TMEM135: variants seen among roughly 807,000 people sequenced by gnomAD.
The protein encoded by TMEM135 is transmembrane protein 135, also known as peroxisomal membrane protein 52.
In TMEM135, 30 loss-of-function variants were observed where a neutral mutation model predicts 60.3. The ratio of observed to expected loss-of-function variants is 0.50; its 90% CI spans 0.37 to 0.68. The LOEUF (loss-of-function observed/expected upper bound fraction) is 0.68. Ranked by LOEUF, TMEM135 falls within the 30% of genes least tolerant of loss-of-function variation. The pLI, the probability that TMEM135 is intolerant of heterozygous loss-of-function variation, is 0.00. For synonymous variants in TMEM135, 190 were observed against 186.7 expected (o/e 1.02, Z -0.14); for missense variants, 468 against 548.8 (o/e 0.85, Z 1.47).
At chr11:87,107,204 T>G (rs538594058) in intron 4 of TMEM135, among the ~76,000 whole-genome samples, 19 of 152,322 alleles carry the variant, frequency 1.2e-4, no homozygotes, top group African/African-American at 4.1e-4. Flanking sequence ...TGGTAGGTTG[T>G]ATGTGTCTAA....
At chr11:87,214,816 A>G (rs920565628) in intron 5 of TMEM135, among the ~76,000 whole-genome samples, 7 of 152,302 alleles carry the variant, frequency 4.6e-5, no homozygotes, top group East Asian at 1.9e-4. Flanking sequence ...TTAATAAAGT[A>G]TAGAGTTAAG....
intron 5 of TMEM135, among the ~76,000 whole-genome samples, chr11:87,183,661 G>A (rs1939578217): frequency 6.6e-6 from 1 of 151,728 alleles, no homozygotes; most frequent in Non-Finnish European, 1.5e-5. Flanking sequence ...TATGCTATGT[G>A]TTTAAAAATT....
intron 5 of TMEM135, among the ~76,000 whole-genome samples, chr11:87,179,146 T>A (rs1267098649): frequency 6.6e-6 from 1 of 152,054 alleles, no homozygotes; most frequent in East Asian, 1.9e-4. Context: ...CTTTTCATAG[T>A]GCTTATTGGG....
In TMEM135 at chr11:87,223,663, G is replaced by GCACACACA. The variant is rs1320732136; in HGVS notation, c.463-12972_463-12971insACACACAC. Among the ~76,000 whole-genome samples the GCACACACA allele has an allele frequency of 9.0e-4, 118 of 130,956 alleles. 4 individuals carry two copies. The highest frequency in any genetic ancestry group is 3.2e-3 in the African/African-American group (106 of 33,544). 85.9% of individuals were successfully genotyped at this position (130,956 alleles called of 152,430 possible). Reference sequence around the variant, plus strand: ...CTGTCTCTACTAAAAATACGCACATGCACGCACACACACACACACACACAC... The same window carrying GCACACACA: ...CTGTCTCTACTAAAAATACGCACATGCACACACACACGCACACACACACACACACACAC... On this transcript the variant is annotated intron_variant, in intron 5 of 14. Coordinates refer to ENST00000305494, the MANE Select transcript of TMEM135 (RefSeq NM_022918.4).
intron 5 of TMEM135, among the ~76,000 whole-genome samples, chr11:87,216,481 G>A (rs1405190379): frequency 6.6e-6 from 1 of 152,100 alleles, no homozygotes; most frequent in African/African-American, 2.4e-5. Context: ...GAGTTTTGCA[G>A]AGCCTACCAG....
In TMEM135 at chr11:87,328,171, A is replaced by G. The variant is rs190647545; in HGVS notation, c.*6838A>G. On this transcript the variant is annotated 3_prime_UTR_variant, in exon 15 of 15. Coordinates refer to ENST00000305494, the MANE Select transcript of TMEM135 (RefSeq NM_022918.4). Reference sequence around the variant, plus strand: ...AAACATTTCTAATGGACATATTCCAATTCTGTATAGATCAGATCTCAGTTT... The same window carrying G: ...AAACATTTCTAATGGACATATTCCAGTTCTGTATAGATCAGATCTCAGTTT... 5.7e-5 allele frequency: 26 copies of G among 454,106 alleles called. 1 individual carries two copies. Among genetic ancestry groups the G allele is most frequent in the Admixed American group, 5.4e-4 (23 of 42,580 alleles). The allele number at this position is 454,106 out of a possible 1,614,324, so 28.1% of individuals were successfully genotyped here.
chr11:87,276,380 G>C (rs1418030261), intron 6 of TMEM135, among the ~76,000 whole-genome samples: 1 of 152,008 alleles, frequency 6.6e-6, no homozygotes, highest in African/African-American at 2.4e-5. Flanking sequence ...CCAATTTTTA[G>C]AACTTGAGTT....
At chr11:87,069,105 T>A (rs1856724017) in intron 2 of TMEM135, among the ~76,000 whole-genome samples, 1 of 150,058 alleles carries the variant, frequency 6.7e-6, no homozygotes, top group Non-Finnish European at 1.5e-5. Flanking sequence ...GCTAACACAG[T>A]GAAACCCCGT....
At chr11:87,109,309 C>A (rs564729936) in intron 4 of TMEM135, among the ~76,000 whole-genome samples, 1 of 152,232 alleles carries the variant, frequency 6.6e-6, no homozygotes, top group Admixed American at 6.5e-5. Context: ...TGATATTTTT[C>A]CTATATATGC....
At chr11:87,148,972 A>G (rs1336826119) in intron 4 of TMEM135, among the ~76,000 whole-genome samples, 1 of 152,106 alleles carries the variant, frequency 6.6e-6, no homozygotes, top group Non-Finnish European at 1.5e-5. Context: ...TACAAAATTT[A>G]ACAGTTTGCT....
chr11:87,115,790 G>A (rs1307246945), intron 4 of TMEM135, among the ~76,000 whole-genome samples: 2 of 152,026 alleles, frequency 1.3e-5, no homozygotes, highest in Non-Finnish European at 2.9e-5. Flanking sequence ...GTCACAAAGA[G>A]AAAAACAGTA....
chr11:87,056,741 C>A (rs1949898298), intron 1 of TMEM135, among the ~76,000 whole-genome samples: 1 of 152,158 alleles, frequency 6.6e-6, no homozygotes, highest in African/African-American at 2.4e-5. Context: ...CCTTCCTGGG[C>A]TTGAACTCTT....
chr11:87,040,629 T>G lies in TMEM135; in HGVS notation c.141+2443T>G, dbSNP rs536001851. ...GTGAGCTGAGATCATGCCATTGCAC[T>G]CCAGCCTGGGAAACAAGAGCAAAAC... On this transcript the variant is annotated intron_variant, in intron 1 of 14. Transcript: ENST00000305494. Among the ~76,000 whole-genome samples, 11 of 145,046 alleles carry G rather than the reference T, an allele frequency of 7.6e-5. No homozygotes were observed. In the South Asian group the frequency reaches 2.4e-3, roughly 32 times the overall value.
chr11:87,175,194 A>G (rs1383791604), intron 5 of TMEM135, among the ~76,000 whole-genome samples: 2 of 152,200 alleles, frequency 1.3e-5, no homozygotes, highest in African/African-American at 2.4e-5. Context: ...ACAACATATT[A>G]TATTTTGGCA....
chr11:87,326,229 T>TA lies in TMEM135; in HGVS notation c.*4897dup, dbSNP rs767478827. The TA allele has an allele frequency of 2.2e-6, 1 of 454,020 alleles. No individual in the cohort carries two copies. Among genetic ancestry groups the TA allele is most frequent in the South Asian group, 1.6e-5 (1 of 64,474 alleles). 28.1% of individuals were successfully genotyped at this position (454,020 alleles called of 1,614,324 possible). A position where few individuals can be genotyped will look rare whatever the true frequency, so the allele number is the denominator to read the frequency against. The stretch of plus-strand genomic sequence containing the variant: ...GGTCTTGGCATAGAGGCCATAGGCA[T>TA]ACAACATGCTTTATCTGCCTTGCTT... On this transcript the variant is annotated 3_prime_UTR_variant, in exon 15 of 15. Coordinates refer to ENST00000305494, the MANE Select transcript of TMEM135 (RefSeq NM_022918.4).
chr11:87,041,092 G>A (rs904212072), intron 1 of TMEM135, among the ~76,000 whole-genome samples: 5 of 152,138 alleles, frequency 3.3e-5, no homozygotes, highest in East Asian at 1.9e-4. Flanking sequence ...GAACGTTTGC[G>A]TACAGGAGTT....
chr11:87,187,022 A>G lies in TMEM135; in HGVS notation c.462+29616A>G, dbSNP rs562394273. Among the ~76,000 whole-genome samples the G allele has an allele frequency of 2.6e-5, 4 of 152,344 alleles. No individual in the cohort carries two copies. The South Asian group carries it at 8.3e-4, about 32-fold the overall frequency. On this transcript the variant is annotated intron_variant, in intron 5 of 14. Coordinates refer to ENST00000305494, the MANE Select transcript of TMEM135 (RefSeq NM_022918.4). The stretch of plus-strand genomic sequence containing the variant: ...TATAATCAGGTGGGTCTTATCTAAC[A>G]TAATAGTTTGACCAAATGCTTATGA...
chr11:87,267,454 C>T (rs746093620), intron 6 of TMEM135, among the ~76,000 whole-genome samples: 1 of 151,874 alleles, frequency 6.6e-6, no homozygotes, highest in Non-Finnish European at 1.5e-5. Flanking sequence ...ATTGTGGGGG[C>T]TTTATTATAT....
Position 87,327,741 on chromosome 11 carries a change from A to G in TMEM135, c.*6408A>G, listed in dbSNP as rs968362674. 2.2e-6 allele frequency: 1 copy of G among 453,838 alleles called. No homozygotes were observed. The highest frequency in any genetic ancestry group is 2.0e-5 in the African/African-American group (1 of 49,950). The allele number at this position is 453,838 out of a possible 1,614,324, so 28.1% of individuals were successfully genotyped here. ...GGTGTAATTCTCAGTCCAAGGCTGA[A>G]TTTTCAAGTCTGAGAACCTGGGGGT... On this transcript the variant is annotated 3_prime_UTR_variant, in exon 15 of 15. Coordinates refer to ENST00000305494, the MANE Select transcript of TMEM135 (RefSeq NM_022918.4).
Sources: allele counts gnomAD v4.1 joint callset (sites outside exome capture counted in the v4.1 genomes callset), GRCh38; gene constraint gnomAD v4.1.1; transcripts MANE v1.5; gene names NCBI Gene and HGNC (gene_info 2026-07-23, HGNC 2026-07-21).